MAP3K13: variants seen among roughly 807,000 people sequenced by gnomAD.
The protein encoded by MAP3K13 is mitogen-activated protein kinase kinase kinase 13.
A neutral mutation model predicts 104.0 loss-of-function variants in MAP3K13; 52 were observed. The observed-to-expected ratio is 0.50, with a 90% confidence interval of 0.40 to 0.63. The LOEUF is 0.63. Ranked by LOEUF, MAP3K13 falls within the 20% of genes least tolerant of loss-of-function variation. The pLI is 0.00. For missense variants in MAP3K13, 914 were observed against 1,218.5 expected, an observed-to-expected ratio of 0.75 and a Z score of 3.72; for synonymous variants, 394 against 442.2, an observed-to-expected ratio of 0.89 and a Z score of 1.37.
intron 1 of MAP3K13, among the ~76,000 whole-genome samples, chr3:185,373,287 CT>C (rs1219279299): frequency 6.6e-6 from 1 of 152,102 alleles, no homozygotes; most frequent in African/African-American, 2.4e-5. Context: ...ATCTTTGATA[CT>C]TTTTCCAAAT....
chr3:185,348,234 T>C (rs921005485), intron 2 of MAP3K13, among the ~76,000 whole-genome samples: 4 of 152,196 alleles, frequency 2.6e-5, no homozygotes, highest in Non-Finnish European at 1.5e-5. Flanking sequence ...TATTTACTTA[T>C]AGTGGAAGCC....
chr3:185,399,726 C>T (rs1712676842), intron 1 of MAP3K13, among the ~76,000 whole-genome samples: 1 of 138,308 alleles, frequency 7.2e-6, no homozygotes, highest in African/African-American at 2.7e-5. Context: ...GTATTCATCT[C>T]TCTAACAATA....
At chr3:185,347,911 C>A (rs139722801) in intron 2 of MAP3K13, among the ~76,000 whole-genome samples, 45 of 150,874 alleles carry the variant, frequency 3.0e-4, no homozygotes, top group African/African-American at 1.1e-3. Context: ...ACTTAGGAGG[C>A]TGAGGCAGGA....
At chr3:185,365,827 C>T (rs1723843936) in intron 1 of MAP3K13, among the ~76,000 whole-genome samples, 1 of 127,640 alleles carries the variant, frequency 7.8e-6, no homozygotes, top group African/African-American at 3.0e-5. Flanking sequence ...ACCTTTTTCC[C>T]TTCCCTCCCT....
Position 185,449,896 on chromosome 3 carries a change from G to A in MAP3K13, c.1011-4G>A, listed in dbSNP as rs2148896821. ...TTCTGTCCATGTTCCCGGCGCTACTGTAGGTCTTTTGGAGTGGTGCTTTGG... is the reference window on the plus strand; with the variant it reads ...TTCTGTCCATGTTCCCGGCGCTACTATAGGTCTTTTGGAGTGGTGCTTTGG... On this transcript the variant is annotated splice_polypyrimidine_tract_variant and splice_region_variant and intron_variant, in intron 5 of 13. Coordinates refer to ENST00000265026, the MANE Select transcript of MAP3K13 (RefSeq NM_004721.5). The A allele has an allele frequency of 1.2e-6, 2 of 1,603,976 alleles. No individual in the cohort carries two copies. The highest frequency in any genetic ancestry group is 1.7e-6 in the Non-Finnish European group (2 of 1,176,214).
chr3:185,450,045 A>C lies in MAP3K13; in HGVS notation c.1156A>C (p.Met386Leu). Reference protein sequence around the residue: ...STCPDGFKILMKQTWQSKPRN... With the variant: ...STCPDGFKILLKQTWQSKPRN... ...TTGCCCTGATGGATTCAAAATCCTT[A>C]TGAAACAGACGTGGTAAGAATATTG... The change falls in exon 6 of 14, where the codon ATG becomes CTG. Residue 386 changes from methionine (M) to leucine (L), a missense_variant. Met to Leu is a conservative substitution (Grantham distance 15, BLOSUM62 2). Transcript: ENST00000265026. The surrounding 1 kb of genome is among the most constrained non-coding windows in gnomAD (Gnocchi z 4.2). 1.9e-6 allele frequency: 3 copies of C among 1,611,330 alleles called. No individual in the cohort carries two copies. The highest frequency in any genetic ancestry group is 2.5e-6 in the Non-Finnish European group (3 of 1,179,022).
At chr3:185,408,567 A>G (rs1401032224) in intron 1 of MAP3K13, among the ~76,000 whole-genome samples, 2 of 90,858 alleles carry the variant, frequency 2.2e-5, no homozygotes, top group Admixed American at 1.0e-4. Flanking sequence ...GTGAGACTCC[A>G]TCTTAAAAAA....
At chr3:185,428,041 T>A (rs2108801465) in intron 1 of MAP3K13, among the ~76,000 whole-genome samples, 1 of 150,702 alleles carries the variant, frequency 6.6e-6, no homozygotes, top group African/African-American at 2.4e-5. Flanking sequence ...ATCGCGCCAT[T>A]GCACTCCAGC....
In MAP3K13 at chr3:185,482,302, A is replaced by G. The variant is rs1718508856; in HGVS notation, c.2800-53A>G. The G allele has an allele frequency of 7.6e-7, 1 of 1,307,478 alleles. No individual in the cohort carries two copies. The highest frequency in any genetic ancestry group is 1.2e-5 in the South Asian group (1 of 84,442). The allele number at this position is 1,307,478 out of a possible 1,614,324, so 81.0% of individuals were successfully genotyped here. A position where few individuals can be genotyped will look rare whatever the true frequency, so the allele number is the denominator to read the frequency against. ...CTGTTGTGTGGGAGGTGTTTGACATATATTTACTGAGTGATTATCGAAATG... is the reference window on the plus strand; with the variant it reads ...CTGTTGTGTGGGAGGTGTTTGACATGTATTTACTGAGTGATTATCGAAATG... On this transcript the variant is annotated intron_variant, in intron 13 of 13. Coordinates refer to ENST00000265026, the MANE Select transcript of MAP3K13 (RefSeq NM_004721.5). This position sits in a 1 kb window ranked among gnomAD's most constrained non-coding sequence, Gnocchi z 4.5.
At position 185,453,763 on chromosome 3, in the gene MAP3K13, C is replaced by T. The variant is rs1259793714; in HGVS notation, c.1278+2368C>T. The stretch of plus-strand genomic sequence containing the variant: ...CACCCTGGGGGACAAAGCGAGACTC[C>T]GTCTAAAAAAAAAAAAAATTATATA... On this transcript the variant is annotated intron_variant, in intron 7 of 13. Transcript: ENST00000265026. Among the ~76,000 whole-genome samples, 27 of 136,218 alleles carry T rather than the reference C, an allele frequency of 2.0e-4. No individual in the cohort carries two copies. In the East Asian group the frequency reaches 3.8e-3, roughly 19 times the overall value. 89.4% of individuals were successfully genotyped at this position (136,218 alleles called of 152,430 possible).
At chr3:185,431,990 G>A (rs183333622) in intron 2 of MAP3K13, among the ~76,000 whole-genome samples, 165 of 151,746 alleles carry the variant, frequency 1.1e-3, no homozygotes, top group African/African-American at 3.7e-3. Context: ...ACTCCGACAC[G>A]CTACACATTC....
rs201791552 is a variant in MAP3K13 at position 185,473,407 on chromosome 3, C to T, written c.2076C>T (p.Pro692=). The change falls in exon 11 of 14, where the codon CCC becomes CCT. Residue 692 remains proline, a synonymous_variant. Transcript: ENST00000265026. This position sits in a 1 kb window ranked among gnomAD's most constrained non-coding sequence, Gnocchi z 4.9. ...PLSNHAQRQL[P]GSSPDLISTA... ...GCAACCATGCTCAGAGACAGCTGCCCGGCTCGAGCCCTGACCTCATCTCCA... is the reference window on the plus strand; with the variant it reads ...GCAACCATGCTCAGAGACAGCTGCCTGGCTCGAGCCCTGACCTCATCTCCA... The T allele has an allele frequency of 1.4e-5, 22 of 1,614,062 alleles. No homozygotes were observed. The highest frequency in any genetic ancestry group is 8.0e-5 in the African/African-American group (6 of 74,920).
intron 2 of MAP3K13, among the ~76,000 whole-genome samples, chr3:185,331,848 TAAA>T (rs1484336617): frequency 6.6e-6 from 1 of 152,250 alleles, no homozygotes; most frequent in Non-Finnish European, 1.5e-5. Context: ...TATAAAAGTA[TAAA>T]TAGATTCTTA....
chr3:185,471,763 C>T (rs1366291853), intron 10 of MAP3K13, among the ~76,000 whole-genome samples: 4 of 152,026 alleles, frequency 2.6e-5, no homozygotes, highest in Non-Finnish European at 5.9e-5. Context: ...CCCGGCCGAC[C>T]TTTACTCCTG....
chr3:185,465,691 G>A (rs1172331762), intron 8 of MAP3K13, 56 bp from the exon 9 acceptor site: 23 of 1,149,986 alleles, frequency 2.0e-5, no homozygotes, highest in South Asian at 3.7e-5. Context: ...TTCATCAAGC[G>A]GACTTTTTTC....
In MAP3K13 at chr3:185,473,415, G is replaced by T. The variant is rs772808559; in HGVS notation, c.2084G>T (p.Ser695Ile). 1 of 1,614,216 alleles carries T rather than the reference G, an allele frequency of 6.2e-7. No individual in the cohort carries two copies. The highest frequency in any genetic ancestry group is 8.5e-7 in the Non-Finnish European group (1 of 1,180,048). ...NHAQRQLPGS[S>I]PDLISTAMAA... The stretch of plus-strand genomic sequence containing the variant: ...GCTCAGAGACAGCTGCCCGGCTCGA[G>T]CCCTGACCTCATCTCCACAGCCATG... The change falls in exon 11 of 14, where the codon AGC becomes ATC. Residue 695 changes from serine (S) to isoleucine (I), a missense_variant. Ser to Ile is a moderately radical substitution (Grantham distance 142). This residue lies in a region of MAP3K13 where 583 missense variants were observed against 737.4 expected (regional missense o/e 0.79). Transcript: ENST00000265026. The surrounding 1 kb of genome is among the most constrained non-coding windows in gnomAD (Gnocchi z 4.9).
At chr3:185,324,524 T>A (rs1362092267) in intron 2 of MAP3K13, among the ~76,000 whole-genome samples, 2 of 152,146 alleles carry the variant, frequency 1.3e-5, no homozygotes, top group Non-Finnish European at 2.9e-5. Flanking sequence ...ATGTTTCAAT[T>A]CCGATTTCCC....
At chr3:185,436,062 G>A (rs545591745) in intron 2 of MAP3K13, among the ~76,000 whole-genome samples, 8 of 152,142 alleles carry the variant, frequency 5.3e-5, no homozygotes, top group South Asian at 4.2e-4. Flanking sequence ...ATAATACTCT[G>A]GTAAGAAGGG....
Position 185,350,972 on chromosome 3 carries a change from A to T in MAP3K13, c.-86+65329A>T, listed in dbSNP as rs145468284. Reference sequence around the variant, plus strand: ...GCACAAACGTGGAATCAACCTATCAACCGTAGACTAGATAAAGAAAATGTG... The same window carrying T: ...GCACAAACGTGGAATCAACCTATCATCCGTAGACTAGATAAAGAAAATGTG... On this transcript the variant is annotated intron_variant, in intron 2 of 14. Coordinates refer to the MAP3K13 transcript ENST00000424227. Among the ~76,000 whole-genome samples, 376 of 152,300 alleles carry T rather than the reference A, an allele frequency of 2.5e-3. 3 individuals carry two copies. Among genetic ancestry groups the T allele is most frequent in the African/African-American group, 8.2e-3 (341 of 41,574 alleles).
Sources: gnomAD v4.1 joint callset for allele counts (sites outside exome capture counted in the v4.1 genomes callset) on GRCh38, gnomAD v4.1.1 for gene constraint, gnomAD v4.1.1 regional missense constraint, Gnocchi (gnomAD v3.1) non-coding constraint, MANE v1.5 for transcripts, NCBI Gene and HGNC (gene_info 2026-07-23, HGNC 2026-07-21) for gene names.